CRMP1: variants seen among roughly 807,000 people sequenced by gnomAD.
The protein encoded by CRMP1 is dihydropyrimidinase-related protein 1.
Under a neutral mutation model 68.3 loss-of-function variants are expected in CRMP1, and 19 were observed. That is an observed-to-expected ratio of 0.28 (90% confidence interval 0.19 to 0.41). The LOEUF is 0.41. Ranked by LOEUF, CRMP1 falls within the 10% of genes least tolerant of loss-of-function variation. The pLI, the probability that CRMP1 is intolerant of heterozygous loss-of-function variation, is 1.00. For synonymous variants in CRMP1, 439 were observed against 399.6 expected (o/e 1.10, Z -1.18); for missense variants, 791 against 967.4 (o/e 0.82, Z 2.42).
chr4:5,867,882 G>A (rs964090611), intron 1 of CRMP1, among the ~76,000 whole-genome samples: 9 of 152,062 alleles, frequency 5.9e-5, no homozygotes, highest in African/African-American at 2.2e-4. Flanking sequence ...AAATGGATGT[G>A]TCATTAGAGG....
Position 5,825,751 on chromosome 4 carries a change from A to G in CRMP1, c.1804-92T>C, listed in dbSNP as rs1719464680. ...GCAGAGCCCTGCGGGCGAGAGAGAA[A>G]CCTGAGGTCACTTCAAATGTGCATG... On this transcript the variant is annotated intron_variant, in intron 12 of 13. Coordinates refer to ENST00000324989, the MANE Select transcript of CRMP1 (RefSeq NM_001014809.3). This position sits in a 1 kb window ranked among gnomAD's most constrained non-coding sequence, Gnocchi z 4.4. 7 of 1,317,240 alleles carry G rather than the reference A, an allele frequency of 5.3e-6. No homozygotes were observed. The highest frequency in any genetic ancestry group is 7.4e-6 in the Non-Finnish European group (7 of 947,956). The allele number at this position is 1,317,240 out of a possible 1,614,324, so 81.6% of individuals were successfully genotyped here. A position where few individuals can be genotyped will look rare whatever the true frequency, so the allele number is the denominator to read the frequency against.
At position 5,877,250 on chromosome 4, in the gene CRMP1, G is replaced by A. The variant is rs181211116; in HGVS notation, c.382-10494C>T. Reference sequence around the variant, plus strand: ...TTGCCATAAATAAATATTGGTTGCTGTAAGGCACAGAGTCTAGAGGGGGTG... The same window carrying A: ...TTGCCATAAATAAATATTGGTTGCTATAAGGCACAGAGTCTAGAGGGGGTG... On this transcript the variant is annotated intron_variant, in intron 1 of 13. Coordinates refer to ENST00000324989, the MANE Select transcript of CRMP1 (RefSeq NM_001014809.3). The surrounding 1 kb of genome is among the most constrained non-coding windows in gnomAD (Gnocchi z 4.3). 4.8e-3 allele frequency among the ~76,000 whole-genome samples: 724 copies of A among 152,342 alleles called. 2 individuals carry two copies. Among genetic ancestry groups the A allele is most frequent in the African/African-American group, 0.017 (702 of 41,568 alleles).
At chr4:5,852,812 T>A (rs948375002) in intron 4 of CRMP1, among the ~76,000 whole-genome samples, 3 of 150,214 alleles carry the variant, frequency 2.0e-5, no homozygotes, top group Non-Finnish European at 3.0e-5. Flanking sequence ...CATGGGGGGG[T>A]TGCATCTGTC....
rs1713326318 is a variant in CRMP1 at position 5,858,782 on chromosome 4, G to A, written c.655+2244C>T. On this transcript the variant is annotated intron_variant, in intron 3 of 13. Transcript: ENST00000324989. This position sits in a 1 kb window ranked among gnomAD's most constrained non-coding sequence, Gnocchi z 5.5. ...CATCAGGCCATCGAGGCCCAGGGTT[G>A]TCCTCTCCTTCCAGCCTTGCCTCAC... Among the ~76,000 whole-genome samples, 1 of 152,168 alleles carries A rather than the reference G, an allele frequency of 6.6e-6. No individual in the cohort carries two copies. The highest frequency in any genetic ancestry group is 2.1e-4 in the South Asian group (1 of 4,830).
Position 5,825,900 on chromosome 4 carries a change from G to GACGCACACACC in CRMP1, c.1804-252_1804-242dup, listed in dbSNP as rs1437097368. ...ACATACCCACATGCATACACATACA[G>GACGCACACACC]ACGCACACACCACGCACACGCACTC... On this transcript the variant is annotated intron_variant, in intron 12 of 13. Transcript: ENST00000324989. The surrounding 1 kb of genome is among the most constrained non-coding windows in gnomAD (Gnocchi z 4.4). 1.9e-6 allele frequency: 1 copy of GACGCACACACC among 531,664 alleles called. No individual in the cohort carries two copies. The highest frequency in any genetic ancestry group is 3.3e-6 in the Non-Finnish European group (1 of 305,196). 32.9% of individuals were successfully genotyped at this position (531,664 alleles called of 1,614,324 possible).
In CRMP1 at chr4:5,892,413, C is replaced by A. The variant is rs557929786; in HGVS notation, c.381+176G>T. ...GCCGGCCAGCCCCGACCGAGTCGCC[C>A]CAGCTCTGGGAACCTCTTGCATGAT... On this transcript the variant is annotated intron_variant, in intron 1 of 13. Transcript: ENST00000324989. The surrounding 1 kb of genome is among the most constrained non-coding windows in gnomAD (Gnocchi z 8.6). 6.8e-4 allele frequency among the ~76,000 whole-genome samples: 104 copies of A among 152,270 alleles called. No individual in the cohort carries two copies. The highest frequency in any genetic ancestry group is 2.4e-3 in the African/African-American group (101 of 41,584).
In CRMP1 at chr4:5,877,826, A is replaced by G. The variant is rs1270810901; in HGVS notation, c.382-11070T>C. 6.6e-6 allele frequency among the ~76,000 whole-genome samples: 1 copy of G among 152,044 alleles called. No homozygotes were observed. The highest frequency in any genetic ancestry group is 2.4e-5 in the African/African-American group (1 of 41,376). ...CTGTACCAGCAGACTTTCAGGGAGCACTCCCTGATGGACTGAATATCTGAT... is the reference window on the plus strand; with the variant it reads ...CTGTACCAGCAGACTTTCAGGGAGCGCTCCCTGATGGACTGAATATCTGAT... On this transcript the variant is annotated intron_variant, in intron 1 of 13. Transcript: ENST00000324989. The surrounding 1 kb of genome is among the most constrained non-coding windows in gnomAD (Gnocchi z 4.3).
At chr4:5,839,398 G>C in intron 9 of CRMP1, 124 bp downstream of exon 9, 1 of 1,241,402 alleles carries the variant, frequency 8.1e-7, no homozygotes, top group Non-Finnish European at 1.1e-6. Context: ...AGTCCTTGCA[G>C]AGCACGGGGC....
intron 1 of CRMP1, among the ~76,000 whole-genome samples, chr4:5,875,651 T>C (rs764715023): frequency 1.4e-4 from 21 of 151,976 alleles, no homozygotes; most frequent in African/African-American, 4.1e-4. Context: ...CAAATAAACA[T>C]TAGATACAGA....
At chr4:5,836,414 TTCTC>T (rs1720726009) in intron 10 of CRMP1, among the ~76,000 whole-genome samples, 1 of 152,192 alleles carries the variant, frequency 6.6e-6, no homozygotes, top group Non-Finnish European at 1.5e-5. Context: ...GCAACAGGAA[TTCTC>T]TCTCTACCCA....
At position 5,883,954 on chromosome 4, in the gene CRMP1, A is replaced by C. The variant is rs1179042812; in HGVS notation, c.381+8635T>G. ...TTTAAGAATTTGATTTAAACAAAAT[A>C]ATGTTTTCCCTAAAAATGGTCCACT... On this transcript the variant is annotated intron_variant, in intron 1 of 13. Transcript: ENST00000324989. This position sits in a 1 kb window ranked among gnomAD's most constrained non-coding sequence, Gnocchi z 4.5. Among the ~76,000 whole-genome samples, 1 of 152,230 alleles carries C rather than the reference A, an allele frequency of 6.6e-6. No homozygotes were observed. The highest frequency in any genetic ancestry group is 2.4e-5 in the African/African-American group (1 of 41,454).
At chr4:5,876,217 G>C (rs1714820417) in intron 1 of CRMP1, among the ~76,000 whole-genome samples, 2 of 151,858 alleles carry the variant, frequency 1.3e-5, no homozygotes, top group African/African-American at 4.8e-5. Flanking sequence ...AAATAATCAT[G>C]ACTTATGTTT....
chr4:5,888,249 C>T lies in CRMP1; in HGVS notation c.381+4340G>A, dbSNP rs1244390239. The T allele has an allele frequency of 9.3e-6, 12 of 1,290,472 alleles. No homozygotes were observed. The highest frequency in any genetic ancestry group is 3.0e-5 in the South Asian group (1 of 32,888). The allele number at this position is 1,290,472 out of a possible 1,614,324, so 79.9% of individuals were successfully genotyped here. A position where few individuals can be genotyped will look rare whatever the true frequency, so the allele number is the denominator to read the frequency against. On this transcript the variant is annotated intron_variant, in intron 1 of 13. Transcript: ENST00000324989. The surrounding 1 kb of genome is among the most constrained non-coding windows in gnomAD (Gnocchi z 6.4). ...TTACCGTGATGTGCGGGATGCTCTT[C>T]TTGCCCTGGTACGACATGGCCCCCT...
At position 5,882,935 on chromosome 4, in the gene CRMP1, C is replaced by T. The variant is rs568340542; in HGVS notation, c.381+9654G>A. On this transcript the variant is annotated intron_variant, in intron 1 of 13. Coordinates refer to ENST00000324989, the MANE Select transcript of CRMP1 (RefSeq NM_001014809.3). ...ATATCTAAGACACACTTAGAACCCACGTGTTATTTCCATCCCCTTGGGTGC... is the reference window on the plus strand; with the variant it reads ...ATATCTAAGACACACTTAGAACCCATGTGTTATTTCCATCCCCTTGGGTGC... Among the ~76,000 whole-genome samples the T allele has an allele frequency of 1.6e-4, 24 of 152,342 alleles. No individual in the cohort carries two copies. The East Asian group carries it at 4.1e-3, about 26-fold the overall frequency.
chr4:5,887,581 C>G, intron 1 of CRMP1: 1 of 984,972 alleles, frequency 1.0e-6, no homozygotes, highest in Non-Finnish European at 1.2e-6. Flanking sequence ...CCTCCACCAC[C>G]GTCCCCACCC....
Position 5,866,479 on chromosome 4 carries a change from C to G in CRMP1, c.470+189G>C, listed in dbSNP as rs985869729. Among the ~76,000 whole-genome samples the G allele has an allele frequency of 6.6e-6, 1 of 152,216 alleles. No individual in the cohort carries two copies. The highest frequency in any genetic ancestry group is 2.4e-5 in the African/African-American group (1 of 41,468). ...TGGCAGGGAGCCTAGCCCGGGGGGG[C>G]ACCCAAGAAATGCCAGCCCCTTCTC... On this transcript the variant is annotated intron_variant, in intron 2 of 13. Transcript: ENST00000324989. This position sits in a 1 kb window ranked among gnomAD's most constrained non-coding sequence, Gnocchi z 5.9.
chr4:5,847,694 G>A (rs1473163922), intron 6 of CRMP1, among the ~76,000 whole-genome samples: 4 of 152,224 alleles, frequency 2.6e-5, no homozygotes, highest in African/African-American at 7.2e-5. Flanking sequence ...GAACCATCAT[G>A]TTGCTCTTCC....
Position 5,891,629 on chromosome 4 carries a change from G to C in CRMP1, c.381+960C>G, listed in dbSNP as rs1715954110. On this transcript the variant is annotated intron_variant, in intron 1 of 13. Transcript: ENST00000324989. This position sits in a 1 kb window ranked among gnomAD's most constrained non-coding sequence, Gnocchi z 5.2. ...GCGCCTACCCTGGGCCTGGCACCTA[G>C]CAGTTCTCCGGCATCCAGGTCTGGA... Among the ~76,000 whole-genome samples, 1 of 152,204 alleles carries C rather than the reference G, an allele frequency of 6.6e-6. No homozygotes were observed. The highest frequency in any genetic ancestry group is 1.9e-4 in the East Asian group (1 of 5,198).
chr4:5,863,403 C>G (rs1713736378), intron 2 of CRMP1, among the ~76,000 whole-genome samples: 1 of 152,218 alleles, frequency 6.6e-6, no homozygotes, highest in East Asian at 1.9e-4. Context: ...AAGCCCAGGT[C>G]TCCCCAAGCC....
Sources: gnomAD v4.1 joint callset for allele counts (sites outside exome capture counted in the v4.1 genomes callset) on GRCh38, gnomAD v4.1.1 for gene constraint, Gnocchi (gnomAD v3.1) non-coding constraint, MANE v1.5 for transcripts, NCBI Gene and HGNC (gene_info 2026-07-23, HGNC 2026-07-21) for gene names.